The following MYO10 variants were observed in gnomAD, a reference collection of about 807,000 sequenced individuals.
MYO10 encodes myosin X.
In MYO10, 133 loss-of-function variants were observed where a neutral mutation model predicts 257.3. The ratio of observed to expected loss-of-function variants is 0.52; its 90% CI spans 0.45 to 0.60. The LOEUF (loss-of-function observed/expected upper bound fraction) is 0.60. MYO10 is among the 20% of genes least tolerant of loss of function. The probability of loss-of-function intolerance (pLI) is 0.00; values close to 1 mark genes in which losing one functional copy is unlikely to be tolerated. For missense variants in MYO10, 2,399 were observed against 2,635.7 expected (o/e 0.91, Z 1.97); for synonymous variants, 1,104 against 1,028.6 (o/e 1.07, Z -1.40).
rs576965989 is a variant in MYO10 at position 16,918,739 on chromosome 5, G to C, written c.21+17049C>G. ...TGGTCTCAAACTCCCGACCTCAGGT[G>C]ATCCGCCTGCCTCAGCCTCCCAAAG... is the stretch of plus-strand genomic sequence containing the variant. On this transcript the variant is annotated intron_variant, in intron 1 of 40. Transcript: ENST00000513610. Among the ~76,000 whole-genome samples the C allele has an allele frequency of 2.6e-5, 4 of 152,140 alleles. No homozygotes were observed. The South Asian group carries it at 8.3e-4, about 32-fold the overall frequency.
intron 19 of MYO10, among the ~76,000 whole-genome samples, chr5:16,725,078 C>CTTTTTTTTTTT (rs34100971): frequency 5.3e-5 from 4 of 74,936 alleles, no homozygotes; most frequent in Non-Finnish European, 9.5e-5. Context: ...CCTTCTTCTT[C>CTTTTTTTTTTT]TTTTTTTTTT....
At chr5:16,672,506 G>C (rs949704563) in intron 37 of MYO10, among the ~76,000 whole-genome samples, 183 bp downstream of exon 37, 2 of 152,282 alleles carry the variant, frequency 1.3e-5, no homozygotes, top group African/African-American at 4.8e-5. Flanking sequence ...TAAGACCGTA[G>C]CTTTATCTAG....
intron 2 of MYO10, among the ~76,000 whole-genome samples, chr5:16,871,746 GACTATGTAGGTCAGTAGAAAAACAA>G (rs1287875396): frequency 6.6e-6 from 1 of 152,156 alleles, no homozygotes; most frequent in African/African-American, 2.4e-5. Context: ...AAGAGGGGAA[GACTATGTAGGTCAGTAGAAAAACAA>G]ACTAGAGTCT....
Position 16,869,458 on chromosome 5 carries a change from C to T in MYO10, c.120+8151G>A, listed in dbSNP as rs140701767. Among the ~76,000 whole-genome samples the T allele has an allele frequency of 2.5e-4, 38 of 152,130 alleles. No homozygotes were observed. In the East Asian group the frequency reaches 7.4e-3, roughly 29 times the overall value. On this transcript the variant is annotated intron_variant, in intron 2 of 40. Transcript: ENST00000513610. ...TTCAGGCATGGTGCACCCCTGTAGT[C>T]CTAGCTACTCAGGAGACTGAGACAG...
intron 2 of MYO10, among the ~76,000 whole-genome samples, chr5:16,825,062 A>G (rs1284515033): frequency 1.3e-5 from 2 of 152,164 alleles, no homozygotes; most frequent in Non-Finnish European, 2.9e-5. Context: ...GAGATTTTCT[A>G]ATTGTACTGC....
chr5:16,852,147 T>C (rs1430244815), intron 2 of MYO10, among the ~76,000 whole-genome samples: 1 of 146,874 alleles, frequency 6.8e-6, no homozygotes, highest in Non-Finnish European at 1.5e-5. Flanking sequence ...GGGAGGGTGG[T>C]TGGTTGGTTA....
At chr5:16,764,833 C>T (rs1047803510) in intron 11 of MYO10, among the ~76,000 whole-genome samples, 4 of 152,070 alleles carry the variant, frequency 2.6e-5, no homozygotes, top group Non-Finnish European at 2.9e-5. Flanking sequence ...GGATTACAGG[C>T]ATGTGCCACC....
At chr5:16,925,380 T>C (rs1391642669) in intron 1 of MYO10, among the ~76,000 whole-genome samples, 1 of 152,198 alleles carries the variant, frequency 6.6e-6, no homozygotes, top group Non-Finnish European at 1.5e-5. Flanking sequence ...ACATTTCACA[T>C]AGACCATTTT....
intron 19 of MYO10, among the ~76,000 whole-genome samples, chr5:16,729,453 ATT>A (rs1314577938): frequency 9.4e-5 from 13 of 138,112 alleles, no homozygotes; most frequent in Admixed American, 1.5e-4. Context: ...TGTATTTTCT[ATT>A]TTTTTTTTTT....
chr5:16,816,040 T>TAAAAA (rs570072651), intron 3 of MYO10, among the ~76,000 whole-genome samples: 1 of 92,002 alleles, frequency 1.1e-5, no homozygotes, highest in African/African-American at 4.0e-5. Flanking sequence ...TTTCACAGTG[T>TAAAAA]AAAAAAAAAA....
At chr5:16,900,061 G>A (rs2126783311) in intron 1 of MYO10, among the ~76,000 whole-genome samples, 1 of 147,856 alleles carries the variant, frequency 6.8e-6, no homozygotes, top group African/African-American at 2.5e-5. Flanking sequence ...TATAAAAATT[G>A]CCCTGTGATA....
At chr5:16,906,185 G>T (rs985480955) in intron 1 of MYO10, among the ~76,000 whole-genome samples, 17 of 152,164 alleles carry the variant, frequency 1.1e-4, no homozygotes, top group Non-Finnish European at 2.2e-4. Context: ...GGGTGCACCT[G>T]GTAGGTGCCA....
chr5:16,869,085 C>T (rs957243671), intron 2 of MYO10, among the ~76,000 whole-genome samples: 3 of 152,034 alleles, frequency 2.0e-5, no homozygotes, highest in Admixed American at 2.0e-4. Context: ...AGTGCAGTGG[C>T]GCCATTGCGG....
intron 1 of MYO10, among the ~76,000 whole-genome samples, chr5:16,923,660 C>CCATA (rs1554009241): frequency 5.2e-5 from 6 of 116,172 alleles, no homozygotes; most frequent in African/African-American, 1.8e-4. Flanking sequence ...TTAAACACGC[C>CCATA]CATACACACA....
At chr5:16,761,660 A>T in intron 16 of MYO10, 114 bp from the exon 17 acceptor site, 1 of 808,242 alleles carries the variant, frequency 1.2e-6, no homozygotes, top group Non-Finnish European at 2.0e-6. Context: ...TTATTTATTT[A>T]TTTTTTAAGA....
intron 26 of MYO10, among the ~76,000 whole-genome samples, chr5:16,696,528 TC>T: frequency 6.6e-6 from 1 of 152,200 alleles, no homozygotes; most frequent in East Asian, 1.9e-4. Context: ...TTTACTTTTT[TC>T]CTACTCTTAC....
At chr5:16,924,267 G>C (rs1290795704) in intron 1 of MYO10, among the ~76,000 whole-genome samples, 1 of 152,160 alleles carries the variant, frequency 6.6e-6, no homozygotes, top group Non-Finnish European at 1.5e-5. Context: ...GCAATTAACA[G>C]AAAAGATGGC....
intron 1 of MYO10, among the ~76,000 whole-genome samples, chr5:16,928,915 C>CA (rs1327261170): frequency 2.0e-5 from 3 of 149,332 alleles, no homozygotes; most frequent in African/African-American, 7.4e-5. Flanking sequence ...TTGGCTTTCC[C>CA]AAAAAAAGCA....
intron 2 of MYO10, among the ~76,000 whole-genome samples, chr5:16,834,527 G>T (rs925688181): frequency 2.6e-5 from 4 of 152,220 alleles, no homozygotes; most frequent in African/African-American, 9.6e-5. Flanking sequence ...CAAATTCCTG[G>T]AACTAATGGC....
Sources: allele counts gnomAD v4.1 joint callset (sites outside exome capture counted in the v4.1 genomes callset), GRCh38; gene constraint gnomAD v4.1.1; transcripts MANE v1.5; gene names NCBI Gene and HGNC (gene_info 2026-07-23, HGNC 2026-07-21).